Variants in MYCBP2 observed in about 807,000 individuals in gnomAD.
MYCBP2 encodes the protein MYC binding protein 2.
A neutral mutation model predicts 525.3 loss-of-function variants in MYCBP2; 120 were observed. The ratio of observed to expected loss-of-function variants is 0.23; its 90% confidence interval spans 0.20 to 0.27. The LOEUF (loss-of-function observed/expected upper bound fraction) is 0.27, where lower values mean the gene tolerates loss of function less well. Ranked by LOEUF, MYCBP2 falls within the 10% of genes least tolerant of loss-of-function variation. MYCBP2 has a pLI of 1.00. For synonymous variants in MYCBP2, 1,894 were observed against 1,955.8 expected (o/e 0.97, Z 0.83); for missense variants, 4,149 against 5,657.1 (o/e 0.73, Z 8.55).
At chr13:77,212,779 A>G (rs2064201253) in intron 21 of MYCBP2, among the ~76,000 whole-genome samples, 1 of 152,208 alleles carries the variant, frequency 6.6e-6, no homozygotes, top group Admixed American at 6.5e-5. Context: ...ATGGCTCTCT[A>G]TAGGGACCTG....
chr13:77,233,664 TA>T (rs2067456670), intron 17 of MYCBP2, among the ~76,000 whole-genome samples: 1 of 152,080 alleles, frequency 6.6e-6, no homozygotes, highest in Non-Finnish European at 1.5e-5. Flanking sequence ...CATTGAAACA[TA>T]AAAACTAATT....
At chr13:77,235,760 T>C (rs1453029406) in intron 17 of MYCBP2, among the ~76,000 whole-genome samples, 2 of 152,032 alleles carry the variant, frequency 1.3e-5, no homozygotes, top group Admixed American at 1.3e-4. Context: ...CAGTATGCTA[T>C]AACAAAAGGA....
chr13:77,321,848 A>G (rs1338839104), intron 1 of MYCBP2, among the ~76,000 whole-genome samples: 1 of 152,216 alleles, frequency 6.6e-6, no homozygotes, highest in South Asian at 2.1e-4. Context: ...TATAGGGCCA[A>G]TGGTTAGTGC....
chr13:77,094,690 C>T lies in MYCBP2; in HGVS notation c.10199+668G>A, dbSNP rs9565318. 2.5e-3 allele frequency among the ~76,000 whole-genome samples: 376 copies of T among 152,150 alleles called. 8 individuals are homozygous for T. The East Asian group carries it at 0.059, about 24-fold the overall frequency. On this transcript the variant is annotated intron_variant, in intron 58 of 82. Coordinates refer to ENST00000544440, the MANE Select transcript of MYCBP2 (RefSeq NM_015057.5). ...CTTCCAAGAGTCGCTTTCTTCCTGT[C>T]GCTTGCCTGACAGATTTCTATTTAT...
At position 77,263,631 on chromosome 13, in the gene MYCBP2, CACTT is replaced by C; in HGVS notation, c.1570+16_1570+19del. ...ATTGAAAATTAAAATATAGGGAAAA[CACTT>C]AATTTGCTATCTTACTTATAATATG... On this transcript the variant is annotated intron_variant, in intron 10 of 82. Transcript: ENST00000544440. 1 of 1,597,172 alleles carries C rather than the reference CACTT, an allele frequency of 6.3e-7. No individual in the cohort carries two copies.
rs954298220 is a variant in MYCBP2 at position 77,065,918 on chromosome 13, A to G, written c.12552+74T>C. 1.8e-5 allele frequency: 19 copies of G among 1,039,782 alleles called. No homozygotes were observed. The African/African-American group carries it at 2.2e-4, about 12-fold the overall frequency. The allele number at this position is 1,039,782 out of a possible 1,614,324, so 64.4% of individuals were successfully genotyped here. On this transcript the variant is annotated intron_variant, in intron 72 of 82. Coordinates refer to ENST00000544440, the MANE Select transcript of MYCBP2 (RefSeq NM_015057.5). ...TTACACTAATCTACATCTCCTATCAATTCAGCAGAGTAAGCTGTTTTGTGT... is the reference window on the plus strand; with the variant it reads ...TTACACTAATCTACATCTCCTATCAGTTCAGCAGAGTAAGCTGTTTTGTGT...
intron 24 of MYCBP2, among the ~76,000 whole-genome samples, 167 bp downstream of exon 24, chr13:77,206,486 T>C (rs1783023867): frequency 6.6e-6 from 1 of 152,094 alleles, no homozygotes; most frequent in Admixed American, 6.6e-5. Flanking sequence ...ACAGGTCTCA[T>C]GTATTGTTTT....
intron 1 of MYCBP2, among the ~76,000 whole-genome samples, chr13:77,316,534 C>T (rs568589845): frequency 6.6e-6 from 1 of 152,312 alleles, no homozygotes; most frequent in Non-Finnish European, 1.5e-5. Flanking sequence ...CACTATATTT[C>T]GCCTATTATA....
chr13:77,190,944 C>G (rs957950980), intron 28 of MYCBP2, among the ~76,000 whole-genome samples: 3 of 152,104 alleles, frequency 2.0e-5, no homozygotes, highest in African/African-American at 7.2e-5. Context: ...ATAGTTTATG[C>G]TCAGGAGTAA....
chr13:77,164,432 A>G, intron 43 of MYCBP2, 22 bp downstream of exon 43: 1 of 1,513,754 alleles, frequency 6.6e-7, no homozygotes, highest in Non-Finnish European at 9.2e-7. Flanking sequence ...ATCAAAAAAC[A>G]TCCAGTATTG....
At chr13:77,150,055 C>T (rs916901884) in intron 47 of MYCBP2, among the ~76,000 whole-genome samples, 6 of 152,204 alleles carry the variant, frequency 3.9e-5, no homozygotes, top group African/African-American at 1.2e-4. Context: ...CAAACTTCAG[C>T]TTCAAATAAT....
At chr13:77,129,922 A>C (rs926782858) in intron 52 of MYCBP2, among the ~76,000 whole-genome samples, 5 of 151,896 alleles carry the variant, frequency 3.3e-5, no homozygotes, top group Admixed American at 6.6e-5. Context: ...ACTTTTCTCT[A>C]TCTCAAAGTT....
rs1948476824 is a variant in MYCBP2, at chr13:77,067,950, C to T, written c.12172-86G>A. 9 of 1,359,230 alleles carry T rather than the reference C, an allele frequency of 6.6e-6. No individual in the cohort carries two copies. The African/African-American group carries it at 1.0e-4, about 16-fold the overall frequency. 84.2% of individuals were successfully genotyped at this position (1,359,230 alleles called of 1,614,324 possible). The stretch of plus-strand genomic sequence containing the variant: ...TATTTCTCTTTTCTTTTTTTAAAGA[C>T]AGGGTCTTGCTTTGTTGCCCAGGTT... On this transcript the variant is annotated intron_variant, in intron 70 of 82. Transcript: ENST00000544440.
chr13:77,194,878 G>A (rs957056593), intron 26 of MYCBP2, among the ~76,000 whole-genome samples: 18 of 152,084 alleles, frequency 1.2e-4, no homozygotes, highest in African/African-American at 4.1e-4. Context: ...GAAAAAGATA[G>A]ATGAAAAGCA....
intron 1 of MYCBP2, among the ~76,000 whole-genome samples, chr13:77,319,934 A>C (rs755515966): frequency 1.3e-5 from 2 of 152,174 alleles, no homozygotes; most frequent in Non-Finnish European, 2.9e-5. Flanking sequence ...GCAGATGTGC[A>C]CACCGGAAGT....
chr13:77,054,886 C>T (rs2037579421), intron 80 of MYCBP2, among the ~76,000 whole-genome samples: 1 of 152,060 alleles, frequency 6.6e-6, no homozygotes, highest in African/African-American at 2.4e-5. Context: ...CAGGTGTGAG[C>T]CACTGTGCCC....
Position 77,061,717 on chromosome 13 carries a change from G to A in MYCBP2, c.12848C>T (p.Thr4283Ile). 2 of 1,612,036 alleles carry A rather than the reference G, an allele frequency of 1.2e-6. No individual in the cohort carries two copies. The change falls in exon 75 of 83, where the codon ACA becomes ATA. Residue 4283 changes from threonine (T) to isoleucine (I), a missense_variant. By Grantham distance (89) the Thr-to-Ile change is moderately conservative. Around this residue, in one of 21 missense-constraint regions of MYCBP2, gnomAD observed 220 missense variants for 396.0 expected, o/e 0.56. Transcript: ENST00000544440. ...AAGGTGAAGGAATCTGTCACAGTCT[G>A]TACATAAATTTCCACAGACATTGCA... ...ILCNVCGNLC[T>I]DCDRFLHLHR...
At chr13:77,115,325 C>T (rs565367628) in intron 55 of MYCBP2, among the ~76,000 whole-genome samples, 32 of 151,624 alleles carry the variant, frequency 2.1e-4, no homozygotes, top group Non-Finnish European at 3.5e-4. Context: ...AATTTTTTTG[C>T]CAAATTGCTT....
In MYCBP2 at chr13:77,166,895, AG is replaced by A. The variant is rs1022019415; in HGVS notation, c.6115-342del. ...ATCCAATGAATGCATAATCATGCAG[AG>A]GGAGCATTCCAACTTACTTTAAACA... On this transcript the variant is annotated intron_variant, in intron 40 of 82. Coordinates refer to ENST00000544440, the MANE Select transcript of MYCBP2 (RefSeq NM_015057.5). Among the ~76,000 whole-genome samples the A allele has an allele frequency of 5.5e-4, 84 of 152,152 alleles. 1 individual carries two copies. Among genetic ancestry groups the A allele is most frequent in the African/African-American group, 2.0e-3 (81 of 41,518 alleles).
Sources: allele counts gnomAD v4.1 joint callset (sites outside exome capture counted in the v4.1 genomes callset), GRCh38; gene constraint gnomAD v4.1.1; regional missense constraint gnomAD v4.1.1; transcripts MANE v1.5; gene names NCBI Gene and HGNC (gene_info 2026-07-23, HGNC 2026-07-21).